The following ADAMTS19 variants were observed in gnomAD, a reference collection of about 807,000 sequenced individuals.
The protein encoded by ADAMTS19 is A disintegrin and metalloproteinase with thrombospondin motifs 19.
In ADAMTS19, 93 loss-of-function variants were observed where a neutral mutation model predicts 153.3. The ratio of observed to expected loss-of-function variants is 0.61; its 90% CI spans 0.51 to 0.72. The LOEUF (loss-of-function observed/expected upper bound fraction) is 0.72. ADAMTS19 is among the 30% of genes least tolerant of loss of function. The pLI, the probability that ADAMTS19 is intolerant of heterozygous loss-of-function variation, is 0.00. For missense variants in ADAMTS19, 1,482 were observed against 1,552.1 expected (o/e 0.95, Z 0.76); for synonymous variants, 600 against 556.6 (o/e 1.08, Z -1.10).
intron 11 of ADAMTS19, among the ~76,000 whole-genome samples, chr5:129,644,395 A>G (rs1752963336): frequency 6.6e-6 from 1 of 152,200 alleles, no homozygotes; most frequent in Non-Finnish European, 1.5e-5. Context: ...AGCTCAATAC[A>G]TTGCTAACCA....
intron 8 of ADAMTS19, among the ~76,000 whole-genome samples, chr5:129,598,603 C>A (rs1332815385): frequency 6.6e-6 from 1 of 152,114 alleles, no homozygotes; most frequent in East Asian, 1.9e-4. Context: ...AAAATTTACT[C>A]CATACAAATG....
intron 10 of ADAMTS19, among the ~76,000 whole-genome samples, chr5:129,631,021 A>G (rs1385861467): frequency 6.6e-6 from 1 of 152,020 alleles, no homozygotes; most frequent in Non-Finnish European, 1.5e-5. Flanking sequence ...AAAACCATAA[A>G]GACCTACATT....
intron 8 of ADAMTS19, among the ~76,000 whole-genome samples, chr5:129,597,366 AC>A (rs1160190733): frequency 6.6e-6 from 1 of 152,160 alleles, no homozygotes; most frequent in Non-Finnish European, 1.5e-5. Context: ...TTATTAGTGT[AC>A]CCATTTTATT....
At chr5:129,465,913 T>C (rs982064309) in intron 2 of ADAMTS19, among the ~76,000 whole-genome samples, 3 of 152,132 alleles carry the variant, frequency 2.0e-5, no homozygotes, top group Admixed American at 6.5e-5. Flanking sequence ...ATTGAAACAG[T>C]TTGGCTTGGA....
Position 129,461,305 on chromosome 5 carries a change from G to C in ADAMTS19, c.295G>C (p.Glu99Gln), listed in dbSNP as rs1455272893. Residue 99 changes from glutamate to glutamine, a missense_variant, in exon 2 of 23, where the codon GAG becomes CAG. Transcript: ENST00000274487. The surrounding 1 kb of genome is among the most constrained non-coding windows in gnomAD (Gnocchi z 4.6). ...CTCTGTGGCTCCGGTGCCTTTGGAG[G>C]AGCCCGTGGAGGGCCGATCAGAGTC... ...VRSVAPVPLE[E>Q]PVEGRSESRL... 17 of 1,307,224 alleles carry C rather than the reference G, an allele frequency of 1.3e-5. No homozygotes were observed. The South Asian group carries it at 4.0e-4, about 30-fold the overall frequency. 81.0% of individuals were successfully genotyped at this position (1,307,224 alleles called of 1,614,324 possible).
At chr5:129,727,539 A>C (rs1276779851) in intron 21 of ADAMTS19, among the ~76,000 whole-genome samples, 1 of 152,222 alleles carries the variant, frequency 6.6e-6, no homozygotes. Context: ...AATATTAGCA[A>C]CTTTCAAGTA....
At chr5:129,658,952 G>A (rs1325518620) in intron 15 of ADAMTS19, among the ~76,000 whole-genome samples, 2 of 152,082 alleles carry the variant, frequency 1.3e-5, no homozygotes, top group Non-Finnish European at 2.9e-5. Context: ...GTCATCTGTT[G>A]TACATTTAAT....
intron 20 of ADAMTS19, among the ~76,000 whole-genome samples, chr5:129,703,370 C>G (rs1755999467): frequency 6.6e-6 from 1 of 151,934 alleles, no homozygotes; most frequent in South Asian, 2.1e-4. Flanking sequence ...AATTTTGAAC[C>G]AAATTGTATT....
chr5:129,543,031 G>T (rs143735252), intron 6 of ADAMTS19, among the ~76,000 whole-genome samples: 4,007 of 143,362 alleles, frequency 0.028, 180 homozygotes, highest in African/African-American at 0.094. Context: ...GTTTTTTTTT[G>T]TTGTTGTTGT....
intron 18 of ADAMTS19, among the ~76,000 whole-genome samples, chr5:129,693,474 T>C (rs1304299732): frequency 3.9e-5 from 6 of 152,184 alleles, no homozygotes. Context: ...AGACTTGTGA[T>C]GTCTTCTTAC....
At chr5:129,583,711 A>AAG (rs1318679154) in intron 7 of ADAMTS19, among the ~76,000 whole-genome samples, 2 of 151,614 alleles carry the variant, frequency 1.3e-5, no homozygotes, top group African/African-American at 2.4e-5. Context: ...TCAGCTATTG[A>AAG]TACTTGTGTA....
intron 6 of ADAMTS19, among the ~76,000 whole-genome samples, chr5:129,536,566 A>G (rs1231998827): frequency 6.6e-6 from 1 of 152,210 alleles, no homozygotes; most frequent in Admixed American, 6.6e-5. Flanking sequence ...TACTGGGTAT[A>G]TACCCAAAGG....
rs1554103337 is a variant in ADAMTS19, at chr5:129,658,351, A to AGAGAGAGAGAGAGAGAG, written c.2305-266_2305-265insGAGAGAGAGAGAGAGAG. ...AAAGAAAGAAAGAAAGAAAGAAAGA[A>AGAGAGAGAGAGAGAGAG]AGAAAGAAAGAAAGAAAGAGAGAGA... On this transcript the variant is annotated intron_variant, in intron 14 of 22. Coordinates refer to ENST00000274487, the MANE Select transcript of ADAMTS19 (RefSeq NM_133638.6). 4.9e-4 allele frequency among the ~76,000 whole-genome samples: 65 copies of AGAGAGAGAGAGAGAGAG among 133,228 alleles called. 2 individuals are homozygous for AGAGAGAGAGAGAGAGAG. Among genetic ancestry groups the AGAGAGAGAGAGAGAGAG allele is most frequent in the Admixed American group, 1.8e-3 (24 of 13,642 alleles). The allele number at this position is 133,228 out of a possible 152,430, so 87.4% of individuals were successfully genotyped here.
chr5:129,480,320 C>A (rs1170956530), intron 2 of ADAMTS19, among the ~76,000 whole-genome samples: 1 of 152,112 alleles, frequency 6.6e-6, no homozygotes, highest in African/African-American at 2.4e-5. Context: ...TAGAAGAAAA[C>A]CTTCACTACT....
chr5:129,524,947 C>T (rs984709623), intron 3 of ADAMTS19, among the ~76,000 whole-genome samples: 1 of 152,012 alleles, frequency 6.6e-6, no homozygotes, highest in African/African-American at 2.4e-5. Context: ...GGCCTCTTTT[C>T]GTCAGTATTA....
chr5:129,649,303 G>C (rs1416885931), intron 13 of ADAMTS19, among the ~76,000 whole-genome samples: 1 of 152,074 alleles, frequency 6.6e-6, no homozygotes, highest in Non-Finnish European at 1.5e-5. Flanking sequence ...TAGTTTGACA[G>C]TTTTGTAAAT....
At chr5:129,599,922 C>A (rs896150920) in intron 8 of ADAMTS19, among the ~76,000 whole-genome samples, 5 of 152,036 alleles carry the variant, frequency 3.3e-5, no homozygotes, top group Non-Finnish European at 5.9e-5. Flanking sequence ...TAGCAGTAAG[C>A]AATATTTGTC....
intron 15 of ADAMTS19, among the ~76,000 whole-genome samples, chr5:129,659,731 C>T (rs1033528430): frequency 1.3e-5 from 2 of 152,048 alleles, no homozygotes; most frequent in African/African-American, 4.8e-5. Flanking sequence ...GAGGCATGCA[C>T]CACCATGCCC....
At chr5:129,723,555 G>T (rs1404886697) in intron 21 of ADAMTS19, among the ~76,000 whole-genome samples, 3 of 152,194 alleles carry the variant, frequency 2.0e-5, no homozygotes, top group Middle Eastern at 3.4e-3. Flanking sequence ...AAATTATTGA[G>T]AATTATTCTA....
Sources: allele counts gnomAD v4.1 joint callset (sites outside exome capture counted in the v4.1 genomes callset), GRCh38; gene constraint gnomAD v4.1.1; non-coding constraint Gnocchi (gnomAD v3.1); transcripts MANE v1.5; gene names NCBI Gene and HGNC (gene_info 2026-07-23, HGNC 2026-07-21).